Variants in HECW1 observed in about 807,000 individuals in gnomAD.
HECW1 encodes the protein E3 ubiquitin-protein ligase HECW1.
Under a neutral mutation model 182.3 loss-of-function variants are expected in HECW1, and 61 were observed. The observed-to-expected ratio is 0.33, with a 90% confidence interval of 0.27 to 0.41. The LOEUF (loss-of-function observed/expected upper bound fraction) is 0.41. HECW1 is among the 10% of genes least tolerant of loss of function. HECW1 has a pLI of 1.00. For synonymous variants in HECW1, 859 were observed against 832.6 expected (o/e 1.03, Z -0.55); for missense variants, 1,739 against 2,108.9 (o/e 0.82, Z 3.44).
intron 19 of HECW1, among the ~76,000 whole-genome samples, chr7:43,496,202 A>G (rs971476271): frequency 2.7e-5 from 4 of 150,844 alleles, no homozygotes; most frequent in Non-Finnish European, 5.9e-5. Context: ...ATTATCTAGT[A>G]TGGAAACTAA....
intron 3 of HECW1, among the ~76,000 whole-genome samples, chr7:43,254,196 A>T (rs975877518): frequency 1.3e-5 from 2 of 152,222 alleles, no homozygotes; most frequent in African/African-American, 2.4e-5. Flanking sequence ...GTCAGGCTCC[A>T]ATTTAGTCTT....
intron 16 of HECW1, among the ~76,000 whole-genome samples, chr7:43,473,557 G>C (rs1431646254): frequency 1.3e-5 from 2 of 152,000 alleles, no homozygotes; most frequent in Non-Finnish European, 2.9e-5. Context: ...TAAAATATGG[G>C]AAAAGTTGTA....
chr7:43,408,184 C>A (rs558510281), intron 8 of HECW1, among the ~76,000 whole-genome samples: 10 of 152,164 alleles, frequency 6.6e-5, no homozygotes, highest in Admixed American at 3.3e-4. Context: ...ATCAGTAAGC[C>A]CTAAAATATC....
intron 16 of HECW1, among the ~76,000 whole-genome samples, chr7:43,473,012 G>A (rs1214957378): frequency 6.6e-6 from 1 of 152,192 alleles, no homozygotes; most frequent in Non-Finnish European, 1.5e-5. Flanking sequence ...AGTGTTGGAG[G>A]TGGGGCCTAG....
rs151148306 is a variant in HECW1, at chr7:43,253,175, C to T, written c.27+9243C>T. Among the ~76,000 whole-genome samples, 908 of 152,124 alleles carry T rather than the reference C, an allele frequency of 6.0e-3. 11 individuals carry two copies. Among genetic ancestry groups the T allele is most frequent in the African/African-American group, 0.021 (868 of 41,484 alleles). ...GGTCATTTTGATGCACAGCCCGTTT[C>T]GGGAACCACTGGCAACCTCTTGGAG... On this transcript the variant is annotated intron_variant, in intron 3 of 29. Coordinates refer to ENST00000395891, the MANE Select transcript of HECW1 (RefSeq NM_015052.5).
intron 11 of HECW1, 28 bp from the exon 12 acceptor site, chr7:43,450,800 C>A: frequency 1.4e-6 from 2 of 1,392,294 alleles, no homozygotes; most frequent in Non-Finnish European, 2.0e-6. Context: ...GTGAATGAAT[C>A]TGAATGTATT....
chr7:43,215,369 A>G (rs1038338170), intron 2 of HECW1, among the ~76,000 whole-genome samples: 34 of 152,196 alleles, frequency 2.2e-4, no homozygotes, highest in Admixed American at 5.2e-4. Context: ...AGCATGGCTG[A>G]CCCAGCCAGT....
chr7:43,312,555 G>T (rs1808667945), intron 4 of HECW1, among the ~76,000 whole-genome samples: 1 of 152,212 alleles, frequency 6.6e-6, no homozygotes, highest in Non-Finnish European at 1.5e-5. Context: ...ATACTCACAG[G>T]CATACAGGCA....
intron 5 of HECW1, among the ~76,000 whole-genome samples, chr7:43,356,002 T>C (rs555431030): frequency 6.6e-6 from 1 of 151,740 alleles, no homozygotes; most frequent in East Asian, 1.9e-4. Context: ...ATAAATAAAA[T>C]GAAATAAAAA....
In HECW1 at chr7:43,444,946, A is replaced by G. The variant is rs1461813264; in HGVS notation, c.1774A>G (p.Lys592Glu). The G allele has an allele frequency of 1.3e-6, 2 of 1,581,704 alleles. No homozygotes were observed. Among genetic ancestry groups the G allele is most frequent in the African/African-American group, 2.7e-5 (2 of 74,312 alleles). ...EDGAEEESTL[K>E]DSSEKDGLSE... ...CGGCGCGGAGGAGGAGTCCACCCTC[A>G]AGGACTCCTCGGAGAAGGATGGGCT... The change falls in exon 11 of 30, where the codon AAG (lysine) becomes GAG (glutamate). Residue 592 changes from lysine to glutamate, a missense_variant. Physicochemically the swap from Lys to Glu is moderately conservative, Grantham distance 56 (BLOSUM62 1). Transcript: ENST00000395891. This position sits in a 1 kb window ranked among gnomAD's most constrained non-coding sequence, Gnocchi z 4.3.
At chr7:43,470,693 A>G (rs149026040) in intron 16 of HECW1, among the ~76,000 whole-genome samples, 19 of 152,326 alleles carry the variant, frequency 1.2e-4, no homozygotes, top group African/African-American at 3.8e-4. Context: ...TCAAATGAGA[A>G]GACTTTCAGT....
rs532598590 is a variant in HECW1, at chr7:43,281,096, G to A, written c.28-30667G>A. On this transcript the variant is annotated intron_variant, in intron 3 of 29. Coordinates refer to ENST00000395891, the MANE Select transcript of HECW1 (RefSeq NM_015052.5). ...GTGGAGGTGAGGCGATTTCTGACCC[G>A]CTGCTTCTCATCACAGCAGTTCTGC... Among the ~76,000 whole-genome samples, 43 of 152,168 alleles carry A rather than the reference G, an allele frequency of 2.8e-4. 2 individuals are homozygous for A. In the South Asian group the frequency reaches 8.1e-3, roughly 29 times the overall value.
intron 5 of HECW1, among the ~76,000 whole-genome samples, chr7:43,324,282 A>T (rs542761444): frequency 2.0e-5 from 3 of 152,318 alleles, no homozygotes; most frequent in Admixed American, 6.5e-5. Context: ...GTAAAAATTT[A>T]TTGAGACAAA....
intron 3 of HECW1, among the ~76,000 whole-genome samples, chr7:43,298,175 G>C (rs74671995): frequency 6.6e-6 from 1 of 152,240 alleles, no homozygotes; most frequent in Non-Finnish European, 1.5e-5. Flanking sequence ...CATTCGCCCT[G>C]TCTGGAATAT....
rs71008897 is a variant in HECW1, at chr7:43,221,537, G to GTTTTTT, written c.-31-22301_-31-22296dup. 4.4e-3 allele frequency among the ~76,000 whole-genome samples: 220 copies of GTTTTTT among 50,534 alleles called. 67 individuals are homozygous for GTTTTTT. Among genetic ancestry groups the GTTTTTT allele is most frequent in the Non-Finnish European group, 5.4e-3 (158 of 29,156 alleles). The allele number at this position is 50,534 out of a possible 152,430, so 33.2% of individuals were successfully genotyped here. A position where few individuals can be genotyped will look rare whatever the true frequency, so the allele number is the denominator to read the frequency against. On this transcript the variant is annotated intron_variant, in intron 2 of 29. Coordinates refer to ENST00000395891, the MANE Select transcript of HECW1 (RefSeq NM_015052.5). ...CTAAACTAAATGTCAGAGGAATTAG[G>GTTTTTT]TTTTTTTTTTTTTTTTTTTTTTTTT...
At chr7:43,145,499 G>C (rs531058853) in intron 2 of HECW1, among the ~76,000 whole-genome samples, 1 of 152,198 alleles carries the variant, frequency 6.6e-6, no homozygotes, top group Non-Finnish European at 1.5e-5. Flanking sequence ...GTTTTGCTAT[G>C]TTGCCCAGAT....
chr7:43,491,936 C>G, intron 17 of HECW1, 139 bp from the exon 18 acceptor site: 2 of 633,496 alleles, frequency 3.2e-6, no homozygotes. Flanking sequence ...CTTTTGTAAG[C>G]TTTCTTTTCC....
At chr7:43,461,800 A>G (rs1413580120) in intron 13 of HECW1, among the ~76,000 whole-genome samples, 1 of 152,234 alleles carries the variant, frequency 6.6e-6, no homozygotes, top group Non-Finnish European at 1.5e-5. Context: ...AATGCCTTGC[A>G]GTAACCACTA....
intron 2 of HECW1, among the ~76,000 whole-genome samples, chr7:43,197,723 TG>T (rs1157161118): frequency 1.3e-5 from 2 of 151,964 alleles, no homozygotes; most frequent in African/African-American, 4.8e-5. Context: ...GCTGGGCAGG[TG>T]GGGGACTCTG....
Sources: gnomAD v4.1 joint callset for allele counts (sites outside exome capture counted in the v4.1 genomes callset) on GRCh38, gnomAD v4.1.1 for gene constraint, Gnocchi (gnomAD v3.1) non-coding constraint, MANE v1.5 for transcripts, NCBI Gene and HGNC (gene_info 2026-07-23, HGNC 2026-07-21) for gene names.